The following ARMH1 variants were observed in gnomAD, a reference collection of about 807,000 sequenced individuals.
The protein encoded by ARMH1 is armadillo like helical domain containing 1.
A neutral mutation model predicts 50.2 loss-of-function variants in ARMH1; 34 were observed. The observed-to-expected ratio is 0.68, with a 90% CI of 0.51 to 0.90. ARMH1 has a LOEUF of 0.90. Among genes scored for constraint, ARMH1 ranks in the 40% least tolerant of loss-of-function variants. The pLI is 0.00. For missense variants in ARMH1, 538 were observed against 553.9 expected (o/e 0.97, Z 0.29); for synonymous variants, 221 against 224.2 (o/e 0.99, Z 0.13).
At chr1:44,701,921 G>T (rs1232908400) in intron 5 of ARMH1, among the ~76,000 whole-genome samples, 1 of 144,258 alleles carries the variant, frequency 6.9e-6, no homozygotes, top group Non-Finnish European at 1.5e-5. Flanking sequence ...TGAGACTCGT[G>T]TCAAAAAAAA....
rs1356219804 is a variant in ARMH1 at position 44,710,331 on chromosome 1, C to T, written c.724+6158C>T. Among the ~76,000 whole-genome samples the T allele has an allele frequency of 3.3e-5, 5 of 151,970 alleles. 1 individual carries two copies. The highest frequency in any genetic ancestry group is 2.0e-4 in the Admixed American group (3 of 15,252). ...ATCTAGAAATTAATCACAGATTGGC[C>T]GGGCATGGTGGCTCACACCTGTAAT... On this transcript the variant is annotated intron_variant, in intron 6 of 11. Transcript: ENST00000535358.
At chr1:44,696,605 T>C (rs1328367195) in intron 2 of ARMH1, among the ~76,000 whole-genome samples, 1 of 152,216 alleles carries the variant, frequency 6.6e-6, no homozygotes, top group Non-Finnish European at 1.5e-5. Context: ...TCTCCTATTA[T>C]TCTTATTAGG....
chr1:44,700,371 A>C (rs1646017560), intron 4 of ARMH1, among the ~76,000 whole-genome samples: 1 of 152,134 alleles, frequency 6.6e-6, no homozygotes, highest in Non-Finnish European at 1.5e-5. Context: ...TAATCCCAAC[A>C]CTTCGGGAGG....
intron 2 of ARMH1, 57 bp downstream of exon 2, chr1:44,689,960 C>T: frequency 6.7e-7 from 1 of 1,482,082 alleles, no homozygotes; most frequent in Non-Finnish European, 9.2e-7. Context: ...TGGCTCACGC[C>T]TGTAATCCCA....
intron 6 of ARMH1, among the ~76,000 whole-genome samples, chr1:44,713,698 CA>C (rs1363000556): frequency 6.6e-6 from 1 of 152,146 alleles, no homozygotes; most frequent in Non-Finnish European, 1.5e-5. Context: ...GCCTGCCCCT[CA>C]AAACATCTGC....
At chr1:44,678,658 T>C (rs1645211570) in intron 1 of ARMH1, among the ~76,000 whole-genome samples, 1 of 152,140 alleles carries the variant, frequency 6.6e-6, no homozygotes, top group African/African-American at 2.4e-5. Context: ...GCCTGTCTCA[T>C]TCTACATGTG....
In ARMH1 at chr1:44,724,627, G is replaced by A. The variant is rs774241318; in HGVS notation, c.1009G>A (p.Asp337Asn). Residue 337 changes from aspartate to asparagine, a missense_variant, in exon 9 of 12, where the codon GAC (aspartate) becomes AAC (asparagine). Transcript: ENST00000535358. The surrounding 1 kb of genome is among the most constrained non-coding windows in gnomAD (Gnocchi z 6.4). ...RGLMAAMGNTDHSNSQRLASL... is the reference protein window; with the variant it reads ...RGLMAAMGNTNHSNSQRLASL... ...CCTAATGGCCGCCATGGGCAACACG[G>A]ACCACAGCAACAGCCAGCGGCTGGC... 2.1e-5 allele frequency: 32 copies of A among 1,509,844 alleles called. No individual in the cohort carries two copies. The South Asian group carries it at 3.6e-4, about 17-fold the overall frequency. The allele number at this position is 1,509,844 out of a possible 1,614,324, so 93.5% of individuals were successfully genotyped here.
At chr1:44,690,342 A>T (rs569654838) in intron 2 of ARMH1, among the ~76,000 whole-genome samples, 59 of 141,108 alleles carry the variant, frequency 4.2e-4, no homozygotes, top group Non-Finnish European at 6.8e-4. Context: ...AAAAAGTGAT[A>T]AAAAAAAAAT....
chr1:44,712,668 CT>C (rs1016685704), intron 6 of ARMH1, among the ~76,000 whole-genome samples: 215 of 138,814 alleles, frequency 1.5e-3, no homozygotes, highest in Non-Finnish European at 1.6e-3. Flanking sequence ...CTTCTTTTTT[CT>C]TTTTTTTTTT....
In ARMH1 at chr1:44,698,138, C is replaced by G. The variant is rs780809493; in HGVS notation, c.351C>G (p.Ile117Met). 9.7e-6 allele frequency: 15 copies of G among 1,552,146 alleles called. No individual in the cohort carries two copies. The East Asian group carries it at 1.5e-4, about 15-fold the overall frequency. Residue 117 changes from isoleucine to methionine, a missense_variant, in exon 4 of 12, where the codon ATC (isoleucine) becomes ATG (methionine). Ile to Met is a conservative substitution (Grantham distance 10). Coordinates refer to ENST00000535358, the MANE Select transcript of ARMH1 (RefSeq NM_001145636.2). ...TLLEILGLEK[I>M]KEEAKKESVK... Reference sequence around the variant, plus strand: ...TGGAAATACTTGGGCTAGAGAAGATCAAGGAGGAGGCCAAGAAGGAATCTG... The same window carrying G: ...TGGAAATACTTGGGCTAGAGAAGATGAAGGAGGAGGCCAAGAAGGAATCTG...
intron 6 of ARMH1, 150 bp downstream of exon 6, chr1:44,704,323 A>G: frequency 1.5e-6 from 1 of 670,086 alleles, no homozygotes. Flanking sequence ...TGTCAGTCAC[A>G]CCTATGCCTT....
At chr1:44,719,116 G>A (rs982468836) in intron 6 of ARMH1, among the ~76,000 whole-genome samples, 5 of 151,674 alleles carry the variant, frequency 3.3e-5, no homozygotes, top group Non-Finnish European at 7.4e-5. Context: ...TGCCCCACAA[G>A]GTCTGTCCCC....
chr1:44,722,178 A>G (rs900811473), intron 6 of ARMH1, among the ~76,000 whole-genome samples: 1 of 152,206 alleles, frequency 6.6e-6, no homozygotes, highest in African/African-American at 2.4e-5. Flanking sequence ...CTCTCTTACC[A>G]GTAAATGGAG....
intron 6 of ARMH1, among the ~76,000 whole-genome samples, chr1:44,705,726 T>C (rs950133861): frequency 6.6e-6 from 1 of 152,222 alleles, no homozygotes; most frequent in Non-Finnish European, 1.5e-5. Context: ...TTTTAACATA[T>C]AGCGCATGGC....
At chr1:44,702,710 C>CAAAAAAAAAAAAAAAA (rs11449439) in intron 5 of ARMH1, among the ~76,000 whole-genome samples, 3 of 89,960 alleles carry the variant, frequency 3.3e-5, no homozygotes, top group Non-Finnish European at 4.4e-5. Flanking sequence ...GACTCCATCT[C>CAAAAAAAAAAAAAAAA]AAAAAAAAAA....
intron 6 of ARMH1, among the ~76,000 whole-genome samples, chr1:44,709,494 A>C (rs946422428): frequency 3.3e-5 from 5 of 152,078 alleles, no homozygotes; most frequent in South Asian, 2.1e-4. Context: ...AACACGGTGA[A>C]ACCCCATCTC....
chr1:44,723,944 G>A (rs1010451071), intron 6 of ARMH1, 178 bp from the exon 7 acceptor site: 78 of 726,976 alleles, frequency 1.1e-4, no homozygotes, highest in Non-Finnish European at 4.9e-5. Flanking sequence ...TCCCCCTTCA[G>A]CCCCCTCCTC....
At chr1:44,676,050 A>T (rs1645129559) in intron 1 of ARMH1, among the ~76,000 whole-genome samples, 1 of 152,152 alleles carries the variant, frequency 6.6e-6, no homozygotes, top group Non-Finnish European at 1.5e-5. Context: ...GTGGGGAAGG[A>T]TTATGGTGGC....
At position 44,714,527 on chromosome 1, in the gene ARMH1, G is replaced by A. The variant is rs533878314; in HGVS notation, c.725-9595G>A. On this transcript the variant is annotated intron_variant, in intron 6 of 11. Coordinates refer to ENST00000535358, the MANE Select transcript of ARMH1 (RefSeq NM_001145636.2). ...TTGAACCCGGGAGGCGGAGGTTGCGGTGAGCTGAGATCACGCCATTGCACT... is the reference window on the plus strand; with the variant it reads ...TTGAACCCGGGAGGCGGAGGTTGCGATGAGCTGAGATCACGCCATTGCACT... Among the ~76,000 whole-genome samples the A allele has an allele frequency of 2.6e-5, 4 of 152,042 alleles. No individual in the cohort carries two copies. In the South Asian group the frequency reaches 8.3e-4, roughly 32 times the overall value.
Sources: allele counts gnomAD v4.1 joint callset (sites outside exome capture counted in the v4.1 genomes callset), GRCh38; gene constraint gnomAD v4.1.1; non-coding constraint Gnocchi (gnomAD v3.1); transcripts MANE v1.5; gene names NCBI Gene and HGNC (gene_info 2026-07-23, HGNC 2026-07-21).